DSE: variants seen among roughly 807,000 people sequenced by gnomAD.
DSE encodes dermatan sulfate epimerase, also known as dermatan-sulfate epimerase.
In DSE, 36 loss-of-function variants were observed where a neutral mutation model predicts 84.4. The observed-to-expected ratio is 0.43, with a 90% CI of 0.33 to 0.56. The LOEUF (loss-of-function observed/expected upper bound fraction) is 0.56, where lower values mean the gene tolerates loss of function less well. DSE is among the 20% of genes least tolerant of loss of function. The pLI is 0.06. For synonymous variants in DSE, 410 were observed against 430.1 expected (o/e 0.95, Z 0.58); for missense variants, 862 against 1,169.6 (o/e 0.74, Z 3.84).
chr6:116,409,593 G>A (rs1399458762), intron 2 of DSE, among the ~76,000 whole-genome samples: 1 of 152,126 alleles, frequency 6.6e-6, no homozygotes, highest in Non-Finnish European at 1.5e-5. Flanking sequence ...TAAGTTTATT[G>A]TATACTTGCT....
intron 2 of DSE, among the ~76,000 whole-genome samples, chr6:116,320,350 A>C (rs1290686142): frequency 2.0e-5 from 3 of 150,344 alleles, no homozygotes; most frequent in Non-Finnish European, 4.4e-5. Flanking sequence ...TAAAAATGAG[A>C]TTTTCTGGCA....
chr6:116,420,467 C>T (rs780162108), intron 2 of DSE, among the ~76,000 whole-genome samples: 2 of 152,194 alleles, frequency 1.3e-5, no homozygotes, highest in Non-Finnish European at 2.9e-5. Context: ...CCACACCATA[C>T]ATCTAGGACA....
chr6:116,437,139 A>G lies in DSE; in HGVS notation c.2671A>G (p.Ser891Gly). Residue 891 changes from serine to glycine, a missense_variant, in exon 6 of 6, where the codon AGC becomes GGC. Around this residue, in one of 4 missense-constraint regions of DSE, gnomAD observed 315 missense variants for 348.1 expected, o/e 0.90. Coordinates refer to ENST00000644252, the MANE Select transcript of DSE (RefSeq NM_013352.4). The stretch of plus-strand genomic sequence containing the variant: ...GGCACGGATGGTGACAACTACACAC[A>G]GCAGGGCCCCATCACTGTCTGCTTC... ...GQARMVTTTH[S>G]RAPSLSASYT... 1.9e-6 allele frequency: 3 copies of G among 1,614,178 alleles called. No individual in the cohort carries two copies. The highest frequency in any genetic ancestry group is 2.5e-6 in the Non-Finnish European group (3 of 1,180,022).
At chr6:116,313,052 A>T (rs1009512489) in intron 2 of DSE, among the ~76,000 whole-genome samples, 4 of 152,192 alleles carry the variant, frequency 2.6e-5, no homozygotes, top group Non-Finnish European at 4.4e-5. Flanking sequence ...CACACTGGAG[A>T]GATGGGCCTC....
At chr6:116,320,798 G>T (rs1016330051) in intron 2 of DSE, among the ~76,000 whole-genome samples, 5 of 152,090 alleles carry the variant, frequency 3.3e-5, no homozygotes, top group Admixed American at 1.3e-4. Context: ...TTGGATTAGG[G>T]TCTACCCTAA....
chr6:116,303,242 C>T (rs1475322411), intron 2 of DSE, among the ~76,000 whole-genome samples: 1 of 152,102 alleles, frequency 6.6e-6, no homozygotes, highest in Non-Finnish European at 1.5e-5. Context: ...TCTCGTCTTT[C>T]TCTTTTTCAA....
Position 116,433,329 on chromosome 6 carries a change from A to G in DSE, c.911-14A>G, listed in dbSNP as rs1272963119. The G allele has an allele frequency of 6.5e-7, 1 of 1,550,178 alleles. No individual in the cohort carries two copies. The highest frequency in any genetic ancestry group is 1.2e-5 in the South Asian group (1 of 83,994). ...TTTCAAAGTATCTTAATTCTTTCCA[A>G]CTTATTTCCCTAGGGTTTCAAAGGA... is the stretch of plus-strand genomic sequence containing the variant. On this transcript the variant is annotated splice_polypyrimidine_tract_variant and intron_variant, in intron 4 of 5. Transcript: ENST00000644252.
intron 1 of DSE, among the ~76,000 whole-genome samples, chr6:116,388,837 T>G (rs769853800): frequency 1.3e-5 from 2 of 152,190 alleles, no homozygotes; most frequent in African/African-American, 4.8e-5. Flanking sequence ...GATTGGTAAT[T>G]GCTTTTTTCC....
At chr6:116,267,190 T>C (rs1394862782) in intron 2 of DSE, among the ~76,000 whole-genome samples, 1 of 152,266 alleles carries the variant, frequency 6.6e-6, no homozygotes, top group East Asian at 1.9e-4. Context: ...TTGTAGAGGA[T>C]ACTCTTTCTA....
Position 116,331,882 on chromosome 6 carries a change from G to A in DSE, c.-53-67316G>A, listed in dbSNP as rs555641308. On this transcript the variant is annotated intron_variant, in intron 2 of 3. Coordinates refer to the DSE transcript ENST00000430252. The stretch of plus-strand genomic sequence containing the variant: ...TGAGGCAGTAGAATTGTTTGAACCC[G>A]AGAGGCGGAGGTTGCAGTGGGCCAA... 7.2e-5 allele frequency among the ~76,000 whole-genome samples: 11 copies of A among 152,236 alleles called. No homozygotes were observed. The South Asian group carries it at 2.1e-3, about 29-fold the overall frequency.
At chr6:116,313,050 A>G (rs1454904191) in intron 2 of DSE, among the ~76,000 whole-genome samples, 1 of 152,214 alleles carries the variant, frequency 6.6e-6, no homozygotes, top group African/African-American at 2.4e-5. Context: ...GTCACACTGG[A>G]GAGATGGGCC....
At chr6:116,344,278 G>A (rs1003511144) in intron 2 of DSE, among the ~76,000 whole-genome samples, 21 of 152,182 alleles carry the variant, frequency 1.4e-4, no homozygotes, top group Admixed American at 9.2e-4. Flanking sequence ...CAGGCAATAC[G>A]GAGAATGCCA....
intron 2 of DSE, chr6:116,279,418 T>C (rs750620883): frequency 6.2e-6 from 10 of 1,613,324 alleles, no homozygotes; most frequent in Non-Finnish European, 8.5e-6. Flanking sequence ...CGCGGATCTC[T>C]GGGCGCCACA....
At chr6:116,296,751 C>G (rs1257711523) in intron 2 of DSE, among the ~76,000 whole-genome samples, 2 of 152,136 alleles carry the variant, frequency 1.3e-5, no homozygotes, top group African/African-American at 4.8e-5. Flanking sequence ...ATGGTCAGAT[C>G]ATGTGAGGCT....
chr6:116,279,854 C>CA, intron 2 of DSE: 1 of 1,613,072 alleles, frequency 6.2e-7, no homozygotes, highest in African/African-American at 1.3e-5. Context: ...GGACCAACCG[C>CA]AGGCGAACGC....
At chr6:116,281,915 T>C (rs1773568462) in intron 2 of DSE, among the ~76,000 whole-genome samples, 1 of 152,208 alleles carries the variant, frequency 6.6e-6, no homozygotes, top group Non-Finnish European at 1.5e-5. Flanking sequence ...CTCAGGAGAA[T>C]GAATTTCTAT....
chr6:116,433,096 TAATGTTACC>T, intron 4 of DSE: 1 of 502,394 alleles, frequency 2.0e-6, no homozygotes, highest in East Asian at 3.7e-5. Flanking sequence ...GGTGTAGCAC[TAATGTTACC>T]AAGGACAGGT....
At chr6:116,279,879 G>C (rs755654826) in intron 2 of DSE, 1 of 1,612,682 alleles carries the variant, frequency 6.2e-7, no homozygotes, top group Admixed American at 1.7e-5. Context: ...TTTCCTCAGA[G>C]GCCGAACTGG....
chr6:116,326,631 G>T (rs1776637894), intron 2 of DSE, among the ~76,000 whole-genome samples: 2 of 152,084 alleles, frequency 1.3e-5, no homozygotes, highest in Non-Finnish European at 2.9e-5. Context: ...TCTCTTGCTT[G>T]GCCGAGAAAA....
Sources: allele counts gnomAD v4.1 joint callset (sites outside exome capture counted in the v4.1 genomes callset), GRCh38; gene constraint gnomAD v4.1.1; regional missense constraint gnomAD v4.1.1; transcripts MANE v1.5; gene names NCBI Gene and HGNC (gene_info 2026-07-23, HGNC 2026-07-21).